The following NEXMIF variants were observed in gnomAD, a reference collection of about 807,000 sequenced individuals.
NEXMIF encodes the protein XLMR protein related to neurite extension.
NEXMIF carries 8 observed loss-of-function variants against 62.1 expected under a neutral mutation model. That is an observed-to-expected ratio of 0.13 (90% CI 0.08 to 0.23). The LOEUF (loss-of-function observed/expected upper bound fraction) is 0.23. NEXMIF is among the 10% of genes least tolerant of loss of function. The probability of loss-of-function intolerance (pLI) is 1.00; values close to 1 mark genes in which losing one functional copy is unlikely to be tolerated. For synonymous variants in NEXMIF, 404 were observed against 416.6 expected, an observed-to-expected ratio of 0.97 and a Z score of 0.37; for missense variants, 976 against 1,113.3, an observed-to-expected ratio of 0.88 and a Z score of 1.75.
chrX:74,886,574 T>C (rs2080694545), intron 1 of NEXMIF, among the ~76,000 whole-genome samples: 2 of 111,104 alleles, frequency 1.8e-5, no homozygotes, highest in Admixed American at 1.9e-4. Context: ...ATGAAATACC[T>C]AGGAATCCAA....
intron 1 of NEXMIF, among the ~76,000 whole-genome samples, chrX:74,789,088 T>C (rs911651483): frequency 1.2e-4 from 13 of 106,480 alleles, no homozygotes; most frequent in Non-Finnish European, 2.3e-4. Flanking sequence ...TAACTCATCA[T>C]CTAGCATTAG....
At chrX:74,792,381 A>T (rs1174308146) in intron 1 of NEXMIF, among the ~76,000 whole-genome samples, 39 of 103,454 alleles carry the variant, frequency 3.8e-4, no homozygotes, top group African/African-American at 1.3e-3. Context: ...TGCTGAGGAG[A>T]GCTTTACTTC....
chrX:74,744,782 A>AG (rs1463180160), intron 2 of NEXMIF, among the ~76,000 whole-genome samples: 1 of 111,823 alleles, frequency 8.9e-6, no homozygotes, highest in East Asian at 2.8e-4. Context: ...AAGGCTTTCA[A>AG]GGGGAAAATG....
chrX:74,839,367 G>A (rs1167779356), intron 1 of NEXMIF, among the ~76,000 whole-genome samples: 1 of 111,929 alleles, frequency 8.9e-6, no homozygotes, highest in Non-Finnish European at 1.9e-5. Flanking sequence ...CACTAGAAGA[G>A]CCTTCTAACT....
Position 74,839,331 on chromosome X carries a change from G to A in NEXMIF, c.-48+85552C>T, listed in dbSNP as rs1380342138. Among the ~76,000 whole-genome samples the A allele has an allele frequency of 4.5e-5, 5 of 111,744 alleles. No individual in the cohort carries two copies. In the Admixed American group the frequency reaches 4.7e-4, roughly 11 times the overall value. ...CTAGAGATATGAGAGAAATATCCCA[G>A]ACCCATACTCTTCCTTAGGTGGTAT... On this transcript the variant is annotated intron_variant, in intron 1 of 3. Transcript: ENST00000055682.
chrX:74,827,166 T>C (rs998853492), intron 1 of NEXMIF, among the ~76,000 whole-genome samples: 10 of 112,709 alleles, frequency 8.9e-5, no homozygotes, highest in African/African-American at 2.9e-4. Flanking sequence ...CCCAAGCCTG[T>C]CAGCACTAAA....
At chrX:74,780,049 C>T (rs911588509) in intron 1 of NEXMIF, among the ~76,000 whole-genome samples, 2 of 112,225 alleles carry the variant, frequency 1.8e-5, no homozygotes, top group South Asian at 7.4e-4. Flanking sequence ...ATACTTCCTC[C>T]GCCAAAGCCA....
intron 1 of NEXMIF, among the ~76,000 whole-genome samples, chrX:74,779,371 G>A (rs1253143591): frequency 9.0e-6 from 1 of 111,592 alleles, no homozygotes; most frequent in Non-Finnish European, 1.9e-5. Context: ...GGTAGTAGGT[G>A]TCTGTCTCTG....
intron 1 of NEXMIF, among the ~76,000 whole-genome samples, chrX:74,855,615 G>T (rs950961313): frequency 8.9e-6 from 1 of 111,926 alleles, no homozygotes; most frequent in African/African-American, 3.3e-5. Context: ...GCATGCACAG[G>T]AAATACCTGA....
At chrX:74,874,900 C>T (rs370359003) in intron 1 of NEXMIF, among the ~76,000 whole-genome samples, 83 of 108,329 alleles carry the variant, frequency 7.7e-4, no homozygotes, top group African/African-American at 2.4e-3. Flanking sequence ...TGGGCTGAGA[C>T]GATGGGGTTT....
chrX:74,914,380 G>A (rs7054768), intron 1 of NEXMIF, among the ~76,000 whole-genome samples: 71 of 112,106 alleles, frequency 6.3e-4, no homozygotes, highest in African/African-American at 2.2e-3. Flanking sequence ...GCTAGGCCAG[G>A]TGCAGTGGCT....
Position 74,740,244 on chromosome X carries a change from C to T in NEXMIF, c.4313G>A (p.Gly1438Asp). 1 of 1,211,208 alleles carries T rather than the reference C, an allele frequency of 8.3e-7. No individual in the cohort carries two copies. The highest frequency in any genetic ancestry group is 1.1e-6 in the Non-Finnish European group (1 of 895,409). ...CTTTTTGTGTGTCGGTCCGTTATTG[C>T]CTAAAGTGCTCATGTTACTATACTT... ...DKKYSNMSTL[G>D]NNGPTHKKLY... is the part of the protein sequence containing the mutation. Residue 1438 changes from glycine (G) to aspartate (D), a missense_variant, in exon 3 of 4, where the codon GGC (glycine) becomes GAC (aspartate). Gly to Asp is a moderately conservative substitution (Grantham distance 94). Coordinates refer to ENST00000055682, the MANE Select transcript of NEXMIF (RefSeq NM_001008537.3).
chrX:74,774,595 G>A (rs2080223181), intron 1 of NEXMIF, among the ~76,000 whole-genome samples: 1 of 112,307 alleles, frequency 8.9e-6, no homozygotes, highest in Non-Finnish European at 1.9e-5. Context: ...TAAGATGACA[G>A]CTCACCTTAA....
At chrX:74,766,074 C>T in intron 1 of NEXMIF, among the ~76,000 whole-genome samples, 1 of 108,544 alleles carries the variant, frequency 9.2e-6, no homozygotes, top group Non-Finnish European at 1.9e-5. Flanking sequence ...AATATAGGCC[C>T]CTAATCTCTT....
intron 1 of NEXMIF, among the ~76,000 whole-genome samples, chrX:74,872,721 T>C (rs2080607325): frequency 9.1e-6 from 1 of 109,879 alleles, no homozygotes; most frequent in Admixed American, 9.8e-5. Flanking sequence ...AGGTGATGGC[T>C]AGCCCATATA....
At chrX:74,764,781 TGA>T (rs1602220885) in intron 1 of NEXMIF, among the ~76,000 whole-genome samples, 1 of 111,854 alleles carries the variant, frequency 8.9e-6, no homozygotes, top group African/African-American at 3.3e-5. Flanking sequence ...TGCTGTGGTT[TGA>T]GAGTGTGTTT....
intron 1 of NEXMIF, among the ~76,000 whole-genome samples, chrX:74,878,900 A>T (rs1245243830): frequency 8.9e-6 from 1 of 112,391 alleles, no homozygotes; most frequent in African/African-American, 3.2e-5. Context: ...GGCACTCCCA[A>T]TGAGATGAAC....
chrX:74,809,449 C>G (rs2080354400), intron 1 of NEXMIF, among the ~76,000 whole-genome samples: 1 of 111,541 alleles, frequency 9.0e-6, no homozygotes. Context: ...CATGAAATCC[C>G]TAGACAAATT....
At chrX:74,830,739 T>C (rs754163477) in intron 1 of NEXMIF, among the ~76,000 whole-genome samples, 1 of 112,133 alleles carries the variant, frequency 8.9e-6, no homozygotes, top group East Asian at 2.8e-4. Flanking sequence ...CATCAGCATT[T>C]TGTACTTTTC....
Sources: allele counts gnomAD v4.1 joint callset (sites outside exome capture counted in the v4.1 genomes callset), GRCh38; gene constraint gnomAD v4.1.1; transcripts MANE v1.5; gene names NCBI Gene and HGNC (gene_info 2026-07-23, HGNC 2026-07-21).